The following CDH12 variants were observed in gnomAD, a reference collection of about 807,000 sequenced individuals.
CDH12 encodes the protein cadherin-12.
In CDH12, 41 loss-of-function variants were observed where a neutral mutation model predicts 74.1. The observed-to-expected ratio is 0.55, with a 90% CI of 0.43 to 0.72. The LOEUF (loss-of-function observed/expected upper bound fraction) is 0.72, where lower values mean the gene tolerates loss of function less well. Among genes scored for constraint, CDH12 ranks in the 30% least tolerant of loss-of-function variants. The pLI is 0.00. For synonymous variants in CDH12, 399 were observed against 355.0 expected, an observed-to-expected ratio of 1.12 and a Z score of -1.39; for missense variants, 945 against 977.2, an observed-to-expected ratio of 0.97 and a Z score of 0.44.
At chr5:22,256,801 T>C (rs1332126305) in intron 3 of CDH12, among the ~76,000 whole-genome samples, 1 of 152,040 alleles carries the variant, frequency 6.6e-6, no homozygotes, top group East Asian at 1.9e-4. Context: ...AACATAAAAA[T>C]AAAAATAAAA....
At chr5:22,529,223 AGAAG>A (rs1561470780) in intron 1 of CDH12, among the ~76,000 whole-genome samples, 4 of 144,406 alleles carry the variant, frequency 2.8e-5, no homozygotes, top group African/African-American at 1.0e-4. Flanking sequence ...AGAGAGAGAG[AGAAG>A]AGAGAGAGAG....
chr5:22,536,845 C>A (rs1737869107), intron 1 of CDH12, among the ~76,000 whole-genome samples: 1 of 152,184 alleles, frequency 6.6e-6, no homozygotes, highest in African/African-American at 2.4e-5. Flanking sequence ...GCCCTGAATC[C>A]ACTTGACTGC....
intron 1 of CDH12, among the ~76,000 whole-genome samples, chr5:22,789,818 G>A (rs978232319): frequency 6.6e-6 from 1 of 151,644 alleles, no homozygotes; most frequent in African/African-American, 2.4e-5. Flanking sequence ...TACCAATGAT[G>A]ATGTAACTAT....
chr5:22,203,572 C>A (rs1233394338), intron 4 of CDH12, among the ~76,000 whole-genome samples: 1 of 152,200 alleles, frequency 6.6e-6, no homozygotes, highest in African/African-American at 2.4e-5. Flanking sequence ...GCAGACATCT[C>A]TTTGACATAC....
rs1014161507 is a variant in CDH12 at position 21,977,147 on chromosome 5, A to G, written c.232-1762T>C. 1.3e-4 allele frequency among the ~76,000 whole-genome samples: 20 copies of G among 152,222 alleles called. 1 individual carries two copies. Among genetic ancestry groups the G allele is most frequent in the Admixed American group, 1.2e-3 (18 of 15,284 alleles). On this transcript the variant is annotated intron_variant, in intron 5 of 14. Transcript: ENST00000382254. ...AACCTGGTTGGGTAATATAATAAAA[A>G]TAATGTGGCAACAATAAGAGGGAAC...
intron 3 of CDH12, among the ~76,000 whole-genome samples, chr5:22,218,329 GA>G (rs974310715): frequency 4.4e-4 from 67 of 151,318 alleles, no homozygotes; most frequent in East Asian, 3.9e-3. Context: ...CCAAACTGGG[GA>G]AAAAAAAGTC....
At chr5:21,988,384 C>T (rs1340085875) in intron 5 of CDH12, among the ~76,000 whole-genome samples, 2 of 147,164 alleles carry the variant, frequency 1.4e-5, no homozygotes, top group African/African-American at 2.5e-5. Context: ...CCCAGCTACT[C>T]GGGAGGCTGA....
At chr5:22,296,590 A>C (rs1737633051) in intron 3 of CDH12, among the ~76,000 whole-genome samples, 1 of 152,196 alleles carries the variant, frequency 6.6e-6, no homozygotes, top group African/African-American at 2.4e-5. Flanking sequence ...GAACTTACTA[A>C]ATAGGAAATA....
intron 3 of CDH12, among the ~76,000 whole-genome samples, chr5:22,343,323 C>CAGAGAGATAGAG (rs1739968019): frequency 7.3e-6 from 1 of 136,260 alleles, no homozygotes; most frequent in African/African-American, 2.9e-5. Context: ...GACACACACA[C>CAGAGAGATAGAG]AGAGAGAGAG....
At chr5:22,708,381 A>T (rs1743126518) in intron 1 of CDH12, among the ~76,000 whole-genome samples, 1 of 152,204 alleles carries the variant, frequency 6.6e-6, no homozygotes, top group African/African-American at 2.4e-5. Context: ...AATTCTTCTA[A>T]AGTCTTTGCA....
intron 1 of CDH12, among the ~76,000 whole-genome samples, chr5:22,837,573 A>T (rs948611187): frequency 6.6e-6 from 1 of 152,214 alleles, no homozygotes; most frequent in Admixed American, 6.5e-5. Context: ...TTGACATTTT[A>T]GTCATGTAAA....
At chr5:22,780,246 G>A (rs1361125344) in intron 1 of CDH12, among the ~76,000 whole-genome samples, 2 of 152,062 alleles carry the variant, frequency 1.3e-5, no homozygotes, top group Non-Finnish European at 1.5e-5. Flanking sequence ...CAAATAATTA[G>A]TCGGTATGGT....
intron 11 of CDH12, among the ~76,000 whole-genome samples, chr5:21,766,701 CA>C (rs1044852155): frequency 1.3e-4 from 20 of 151,984 alleles, no homozygotes; most frequent in African/African-American, 4.8e-4. Context: ...TAAAAGTTAA[CA>C]AGTTGGTTAA....
intron 2 of CDH12, among the ~76,000 whole-genome samples, chr5:22,442,469 G>A (rs955978746): frequency 6.6e-5 from 10 of 152,010 alleles, no homozygotes; most frequent in African/African-American, 1.5e-4. Context: ...GTGAGGCCCC[G>A]TCTCATTTCC....
chr5:22,455,190 T>C (rs1373517485), intron 2 of CDH12, among the ~76,000 whole-genome samples: 1 of 152,220 alleles, frequency 6.6e-6, no homozygotes, highest in East Asian at 1.9e-4. Flanking sequence ...GAAAGTCTAG[T>C]AATATCGTCA....
intron 1 of CDH12, among the ~76,000 whole-genome samples, chr5:22,682,012 A>G (rs1741520727): frequency 6.6e-6 from 1 of 152,100 alleles, no homozygotes; most frequent in African/African-American, 2.4e-5. Flanking sequence ...CATAAATCAA[A>G]CTGCAAACCC....
At chr5:21,992,503 A>G (rs1396246445) in intron 5 of CDH12, among the ~76,000 whole-genome samples, 3 of 151,962 alleles carry the variant, frequency 2.0e-5, no homozygotes, top group Admixed American at 6.6e-5. Context: ...CTAATTTATT[A>G]TTATTATTAT....
At chr5:22,280,711 T>G (rs1736840692) in intron 3 of CDH12, among the ~76,000 whole-genome samples, 1 of 152,138 alleles carries the variant, frequency 6.6e-6, no homozygotes, top group Admixed American at 6.6e-5. Flanking sequence ...TAACAGGCTC[T>G]GAAATTGAGG....
At chr5:22,419,488 T>C (rs953518978) in intron 2 of CDH12, among the ~76,000 whole-genome samples, 1 of 152,188 alleles carries the variant, frequency 6.6e-6, no homozygotes, top group African/African-American at 2.4e-5. Context: ...ATGATCTTGT[T>C]CCTATGGCTG....
Sources: gnomAD v4.1 joint callset for allele counts (sites outside exome capture counted in the v4.1 genomes callset) on GRCh38, gnomAD v4.1.1 for gene constraint, MANE v1.5 for transcripts, NCBI Gene and HGNC (gene_info 2026-07-23, HGNC 2026-07-21) for gene names.